TMEM63C: variants seen among roughly 807,000 people sequenced by gnomAD.
TMEM63C encodes the protein transmembrane protein 63C, also known as osmosensitive cation channel TMEM63C.
Under a neutral mutation model 99.2 loss-of-function variants are expected in TMEM63C, and 32 were observed. The observed-to-expected ratio is 0.32, with a 90% CI of 0.24 to 0.43. TMEM63C has a LOEUF of 0.43. TMEM63C is among the 20% of genes least tolerant of loss of function. The pLI is 1.00. For missense variants in TMEM63C, 826 were observed against 1,053.0 expected (o/e 0.78, Z 2.98); for synonymous variants, 376 against 397.9 (o/e 0.94, Z 0.66).
intron 9 of TMEM63C, 80 bp downstream of exon 9, chr14:77,236,812 A>G: frequency 1.0e-6 from 1 of 958,774 alleles, no homozygotes; most frequent in South Asian, 1.3e-5. Flanking sequence ...CAACCCTCAG[A>G]GAAGCCCTCA....
At chr14:77,233,638 G>A in intron 8 of TMEM63C, 138 bp downstream of exon 8, 1 of 862,234 alleles carries the variant, frequency 1.2e-6, no homozygotes, top group Admixed American at 2.1e-5. Flanking sequence ...CGGGTCCTGA[G>A]TGAGATGCCA....
Position 77,213,514 on chromosome 14 carries a change from A to T in TMEM63C, c.-14+6A>T, listed in dbSNP as rs1888526216. 1 of 152,142 alleles carries T rather than the reference A, an allele frequency of 6.6e-6. No homozygotes were observed. Among genetic ancestry groups the T allele is most frequent in the Admixed American group, 6.5e-5 (1 of 15,278 alleles). The allele number at this position is 152,142 out of a possible 1,614,324, so 9.4% of individuals were successfully genotyped here. A position where few individuals can be genotyped will look rare whatever the true frequency, so the allele number is the denominator to read the frequency against. ...TCACTGGAGAAGTGACTCAGGTGGG[A>T]AAAGTCTCCCCGGGCCTCTCCACCT... On this transcript the variant is annotated splice_donor_region_variant and intron_variant, in intron 2 of 23. Transcript: ENST00000298351.
rs376061257 is a variant in TMEM63C at position 77,220,089 on chromosome 14, T to C, written c.312+2T>C. On this transcript the variant is annotated splice_donor_variant, in intron 5 of 23. Coordinates refer to ENST00000298351, the MANE Select transcript of TMEM63C (RefSeq NM_020431.4). LOFTEE classifies it high-confidence loss of function. ...TTGGAGATGGAACGCAGAGACAAGG[T>C]GAGTGCTGGGAGCGGTCTGGGCGGT... 4.5e-6 allele frequency: 7 copies of C among 1,555,998 alleles called. No homozygotes were observed. The African/African-American group carries it at 9.6e-5, about 21-fold the overall frequency.
At chr14:77,254,743 G>A (rs193006926) in intron 23 of TMEM63C, among the ~76,000 whole-genome samples, 2 of 152,218 alleles carry the variant, frequency 1.3e-5, no homozygotes, top group Admixed American at 6.5e-5. Context: ...TAAAAAACAC[G>A]ACTAGGATTT....
intron 13 of TMEM63C, among the ~76,000 whole-genome samples, chr14:77,241,229 G>A (rs555837976): frequency 7.2e-5 from 11 of 152,246 alleles, no homozygotes; most frequent in South Asian, 6.2e-4. Context: ...GGGATTACAG[G>A]TGTGAGCCAC....
At chr14:77,214,786 A>G (rs908769358) in intron 2 of TMEM63C, among the ~76,000 whole-genome samples, 5 of 151,856 alleles carry the variant, frequency 3.3e-5, no homozygotes, top group East Asian at 1.9e-4. Context: ...CCTAGACCCG[A>G]TCACCACCGA....
rs569224564 is a variant in TMEM63C, at chr14:77,187,220, G to A, written c.-77+5326G>A. 4.6e-5 allele frequency among the ~76,000 whole-genome samples: 7 copies of A among 152,298 alleles called. No homozygotes were observed. The South Asian group carries it at 8.3e-4, about 18-fold the overall frequency. ...TGTCCAGGGGAGCCATCTGTGTGCC[G>A]TCCTCCCAAGCACAGCTGACACATC... On this transcript the variant is annotated intron_variant, in intron 1 of 23. Transcript: ENST00000298351.
chr14:77,194,474 C>T (rs1888170718), intron 1 of TMEM63C, among the ~76,000 whole-genome samples: 1 of 134,064 alleles, frequency 7.5e-6, no homozygotes, highest in African/African-American at 2.7e-5. Flanking sequence ...ATGGCAGGGA[C>T]ATCCATGCCA....
chr14:77,200,194 AC>A (rs1888277254), intron 1 of TMEM63C, among the ~76,000 whole-genome samples: 1 of 152,068 alleles, frequency 6.6e-6, no homozygotes, highest in South Asian at 2.1e-4. Flanking sequence ...CTGATCCCCT[AC>A]CCAAGGGGCA....
chr14:77,188,169 T>G (rs1201437890), intron 1 of TMEM63C, among the ~76,000 whole-genome samples: 1 of 152,184 alleles, frequency 6.6e-6, no homozygotes, highest in African/African-American at 2.4e-5. Flanking sequence ...TGCTACCTCC[T>G]TGATGAAGCC....
intron 21 of TMEM63C, among the ~76,000 whole-genome samples, chr14:77,250,509 G>A (rs964756888): frequency 1.3e-5 from 2 of 150,024 alleles, no homozygotes; most frequent in Non-Finnish European, 3.0e-5. Context: ...GCCTGATCTC[G>A]ACCCACTGCA....
intron 22 of TMEM63C, among the ~76,000 whole-genome samples, chr14:77,252,443 C>T (rs1253220266): frequency 6.6e-6 from 1 of 152,126 alleles, no homozygotes; most frequent in East Asian, 1.9e-4. Flanking sequence ...CAATCCATGC[C>T]CTTTTAGAGC....
intron 9 of TMEM63C, among the ~76,000 whole-genome samples, chr14:77,237,859 A>G (rs1215258189): frequency 2.0e-5 from 3 of 152,220 alleles, no homozygotes; most frequent in Non-Finnish European, 4.4e-5. Flanking sequence ...TCCCGTCCTC[A>G]GCCTTTCAAA....
At chr14:77,189,682 C>T (rs977789333) in intron 1 of TMEM63C, among the ~76,000 whole-genome samples, 5 of 152,332 alleles carry the variant, frequency 3.3e-5, no homozygotes, top group Middle Eastern at 3.4e-3. Context: ...GAAAAGTAAT[C>T]TGAGATGTCT....
At chr14:77,228,694 G>A (rs1250645301) in intron 6 of TMEM63C, among the ~76,000 whole-genome samples, 2 of 151,950 alleles carry the variant, frequency 1.3e-5, no homozygotes, top group African/African-American at 4.8e-5. Flanking sequence ...GTGCCACCAT[G>A]CCTGGCTAAT....
chr14:77,197,325 A>C (rs1888229960), intron 1 of TMEM63C, among the ~76,000 whole-genome samples: 2 of 152,242 alleles, frequency 1.3e-5, no homozygotes, highest in African/African-American at 2.4e-5. Context: ...CCTCCAGGGC[A>C]GGGAGCCTTA....
At chr14:77,210,426 T>C (rs993110276) in intron 1 of TMEM63C, among the ~76,000 whole-genome samples, 3 of 152,144 alleles carry the variant, frequency 2.0e-5, no homozygotes, top group African/African-American at 7.2e-5. Context: ...CCACTCTTTG[T>C]TGTGAAGAGT....
chr14:77,249,564 C>T (rs994635424), intron 21 of TMEM63C, 106 bp downstream of exon 21: 79 of 1,308,876 alleles, frequency 6.0e-5, no homozygotes, highest in Non-Finnish European at 7.7e-5. Flanking sequence ...CAGGGCAAGA[C>T]GCTGCTCACC....
chr14:77,197,525 A>G (rs1888232862), intron 1 of TMEM63C, among the ~76,000 whole-genome samples: 1 of 152,258 alleles, frequency 6.6e-6, no homozygotes, highest in South Asian at 2.1e-4. Context: ...GGGGTTAACA[A>G]TAGTACCCTA....
Sources: gnomAD v4.1 joint callset for allele counts (sites outside exome capture counted in the v4.1 genomes callset) on GRCh38, gnomAD v4.1.1 for gene constraint, MANE v1.5 for transcripts, NCBI Gene and HGNC (gene_info 2026-07-23, HGNC 2026-07-21) for gene names.